ANKRD44: variants seen among roughly 807,000 people sequenced by gnomAD.
ANKRD44 encodes the protein serine/threonine-protein phosphatase 6 regulatory ankyrin repeat subunit B.
A neutral mutation model predicts 116.0 loss-of-function variants in ANKRD44; 35 were observed. That is an observed-to-expected ratio of 0.30 (90% confidence interval 0.23 to 0.40). ANKRD44 has a LOEUF of 0.40. Among genes scored for constraint, ANKRD44 ranks in the 10% least tolerant of loss-of-function variants. The probability of loss-of-function intolerance (pLI) is 1.00; values close to 1 mark genes in which losing one functional copy is unlikely to be tolerated. For missense variants in ANKRD44, 1,014 were observed against 1,242.6 expected, an observed-to-expected ratio of 0.82 and a Z score of 2.77; for synonymous variants, 435 against 461.8, an observed-to-expected ratio of 0.94 and a Z score of 0.74.
chr2:197,068,652 T>C (rs1272547015), intron 16 of ANKRD44, among the ~76,000 whole-genome samples: 3 of 151,952 alleles, frequency 2.0e-5, no homozygotes, highest in Admixed American at 6.6e-5. Context: ...GGGCAAAGGA[T>C]ATGAACAGAC....
intron 1 of ANKRD44, among the ~76,000 whole-genome samples, chr2:197,247,987 G>A (rs903969816): frequency 2.6e-5 from 4 of 152,022 alleles, no homozygotes; most frequent in African/African-American, 9.7e-5. Context: ...CTAGGGACAC[G>A]GCCTCCCTCC....
intron 10 of ANKRD44, among the ~76,000 whole-genome samples, chr2:197,093,362 C>G (rs1338228147): frequency 1.3e-5 from 2 of 152,032 alleles, no homozygotes; most frequent in Non-Finnish European, 2.9e-5. Context: ...TCAATCTTGC[C>G]ACTTAAAACC....
chr2:197,288,623 A>G (rs1265238444), intron 1 of ANKRD44, among the ~76,000 whole-genome samples: 1 of 152,078 alleles, frequency 6.6e-6, no homozygotes, highest in Non-Finnish European at 1.5e-5. Context: ...AATGTGATAT[A>G]TATATATACA....
rs547053719 is a variant in ANKRD44 at position 196,998,718 on chromosome 2, A to G, written c.2665+189T>C. On this transcript the variant is annotated intron_variant, in intron 24 of 27. Transcript: ENST00000282272. Reference sequence around the variant, plus strand: ...ATTGCAGAAGGGTTAGCTCTTTGACAAGGTCCACCAAGAATCAAAAAACAG... The same window carrying G: ...ATTGCAGAAGGGTTAGCTCTTTGACGAGGTCCACCAAGAATCAAAAAACAG... Among the ~76,000 whole-genome samples the G allele has an allele frequency of 1.3e-4, 20 of 152,314 alleles. 2 individuals are homozygous for G. In the South Asian group the frequency reaches 2.5e-3, roughly 19 times the overall value.
chr2:197,001,173 A>G (rs2076108315), intron 22 of ANKRD44, among the ~76,000 whole-genome samples: 3 of 152,256 alleles, frequency 2.0e-5, no homozygotes. Flanking sequence ...GACAATGTAA[A>G]GACAAAGAAT....
chr2:197,294,036 C>T (rs1034383179), intron 1 of ANKRD44, among the ~76,000 whole-genome samples: 2 of 152,126 alleles, frequency 1.3e-5, no homozygotes, highest in African/African-American at 4.8e-5. Context: ...GCTCTACCTC[C>T]ACTAACAATC....
intron 26 of ANKRD44, among the ~76,000 whole-genome samples, chr2:196,993,911 A>G (rs2075965594): frequency 6.6e-6 from 1 of 152,200 alleles, no homozygotes; most frequent in African/African-American, 2.4e-5. Context: ...CTGCATCTCA[A>G]ACAATCTCAA....
In ANKRD44 at chr2:197,081,671, C is replaced by T. The variant is rs1456469839; in HGVS notation, c.1512G>A (p.Arg504=). The part of the protein sequence containing the change: ...HDNSEELERA[R]ELKEKEATLC... ...GTGTGGCTTCCTTTTCCTTCAGCTC[C>T]CTGGCTCTTTCAAGTTCTTCTGAAT... Residue 504 remains arginine, a synonymous_variant, in exon 15 of 28, where the codon AGG becomes AGA. Coordinates refer to ENST00000282272, the MANE Select transcript of ANKRD44 (RefSeq NM_001195144.2). 6.2e-6 allele frequency: 10 copies of T among 1,613,950 alleles called. No individual in the cohort carries two copies. The highest frequency in any genetic ancestry group is 8.5e-6 in the Non-Finnish European group (10 of 1,179,890).
At chr2:197,255,846 C>T (rs2082432309) in intron 1 of ANKRD44, among the ~76,000 whole-genome samples, 1 of 152,238 alleles carries the variant, frequency 6.6e-6, no homozygotes, top group South Asian at 2.1e-4. Context: ...AGGAAGGACC[C>T]TGCGCTTCAT....
intron 2 of ANKRD44, among the ~76,000 whole-genome samples, chr2:197,171,699 A>G (rs1188714347): frequency 6.6e-6 from 1 of 152,166 alleles, no homozygotes; most frequent in African/African-American, 2.4e-5. Flanking sequence ...GTGATCGTCA[A>G]GTGTCGGTTT....
At chr2:197,289,130 T>C (rs2083488072) in intron 1 of ANKRD44, among the ~76,000 whole-genome samples, 1 of 152,220 alleles carries the variant, frequency 6.6e-6, no homozygotes, top group Admixed American at 6.5e-5. Flanking sequence ...GTTTGGTCAT[T>C]ACACATCCTA....
chr2:196,978,419 G>C (rs2075775266), intron 21 of ANKRD44, among the ~76,000 whole-genome samples: 1 of 152,084 alleles, frequency 6.6e-6, no homozygotes, highest in African/African-American at 2.4e-5. Context: ...CCCAATCTCA[G>C]GTATTCCTTT....
intron 1 of ANKRD44, among the ~76,000 whole-genome samples, chr2:197,308,498 C>T (rs1214179447): frequency 6.6e-6 from 1 of 151,582 alleles, no homozygotes; most frequent in Non-Finnish European, 1.5e-5. Flanking sequence ...CCCACCCAGG[C>T]CACTTCCCCA....
chr2:197,209,972 G>A (rs1054531550), intron 1 of ANKRD44, among the ~76,000 whole-genome samples: 2 of 152,184 alleles, frequency 1.3e-5, no homozygotes, highest in Admixed American at 6.5e-5. Context: ...GGCAAAGCCA[G>A]GAACCGCACA....
intron 18 of ANKRD44, among the ~76,000 whole-genome samples, chr2:197,010,849 A>G (rs2076286647): frequency 6.6e-6 from 1 of 152,148 alleles, no homozygotes; most frequent in Non-Finnish European, 1.5e-5. Flanking sequence ...CATTTTACAG[A>G]CCTTTTATTT....
intron 1 of ANKRD44, among the ~76,000 whole-genome samples, chr2:197,232,420 T>G (rs914419697): frequency 2.0e-5 from 3 of 152,208 alleles, no homozygotes; most frequent in Admixed American, 1.3e-4. Flanking sequence ...AAAATAGAAA[T>G]GTTCTATCTA....
chr2:197,152,304 A>G (rs1444640399), intron 2 of ANKRD44, among the ~76,000 whole-genome samples: 2 of 152,240 alleles, frequency 1.3e-5, no homozygotes, highest in Non-Finnish European at 2.9e-5. Context: ...AAATAACCCA[A>G]AAGCAGGTGC....
At chr2:197,051,294 T>A (rs910892235) in intron 16 of ANKRD44, among the ~76,000 whole-genome samples, 4 of 152,190 alleles carry the variant, frequency 2.6e-5, no homozygotes, top group African/African-American at 9.7e-5. Context: ...TGCTGATGAC[T>A]CACACACAAT....
chr2:197,141,444 C>T (rs964707280), intron 3 of ANKRD44, among the ~76,000 whole-genome samples: 1 of 151,482 alleles, frequency 6.6e-6, no homozygotes, highest in Non-Finnish European at 1.5e-5. Context: ...ATTATTATAC[C>T]GCATTCTGAA....
Sources: allele counts gnomAD v4.1 joint callset (sites outside exome capture counted in the v4.1 genomes callset), GRCh38; gene constraint gnomAD v4.1.1; transcripts MANE v1.5; gene names NCBI Gene and HGNC (gene_info 2026-07-23, HGNC 2026-07-21).